Variants in INTS8 observed in about 807,000 individuals in gnomAD.
INTS8 encodes the protein integrator complex subunit 8.
A neutral mutation model predicts 138.9 loss-of-function variants in INTS8; 47 were observed. The observed-to-expected ratio is 0.34, with a 90% CI of 0.27 to 0.43. INTS8 has a LOEUF of 0.43. Among genes scored for constraint, INTS8 ranks in the 20% least tolerant of loss-of-function variants. The pLI, the probability that INTS8 is intolerant of heterozygous loss-of-function variation, is 1.00. For synonymous variants in INTS8, 392 were observed against 400.9 expected (o/e 0.98, Z 0.27); for missense variants, 996 against 1,173.0 (o/e 0.85, Z 2.20).
chr8:94,869,220 AT>A (rs1421304775), intron 20 of INTS8, among the ~76,000 whole-genome samples: 1 of 151,468 alleles, frequency 6.6e-6, no homozygotes, highest in African/African-American at 2.4e-5. Flanking sequence ...ACCTCAGGTG[AT>A]CTGCACACCT....
chr8:94,878,569 TC>T (rs1280120615), intron 26 of INTS8, among the ~76,000 whole-genome samples: 1 of 152,200 alleles, frequency 6.6e-6, no homozygotes, highest in African/African-American at 2.4e-5. Flanking sequence ...TTGAATTCTC[TC>T]CCCCTCAATA....
At chr8:94,857,226 T>C (rs575723838) in intron 15 of INTS8, among the ~76,000 whole-genome samples, 1 of 151,856 alleles carries the variant, frequency 6.6e-6, no homozygotes, top group Non-Finnish European at 1.5e-5. Flanking sequence ...GAACCCACCA[T>C]CATGCCTGGC....
chr8:94,873,543 T>G, intron 22 of INTS8, 66 bp downstream of exon 22: 1 of 968,956 alleles, frequency 1.0e-6, no homozygotes, highest in Admixed American at 1.8e-5. Flanking sequence ...GGGTCCCCTT[T>G]TGGCTGAACT....
intron 7 of INTS8, among the ~76,000 whole-genome samples, chr8:94,837,930 G>A (rs910352835): frequency 6.6e-6 from 1 of 151,806 alleles, no homozygotes; most frequent in African/African-American, 2.4e-5. Context: ...CTCAAGGGAC[G>A]AACAAAAACA....
At chr8:94,849,878 T>C (rs758957100) in intron 11 of INTS8, 38 bp from the exon 12 acceptor site, 14 of 1,471,598 alleles carry the variant, frequency 9.5e-6, no homozygotes, top group South Asian at 8.3e-5. Context: ...AACTAAATTA[T>C]ACACTTTTTT....
chr8:94,851,698 G>A lies in INTS8; in HGVS notation c.1641+12G>A. 1 of 1,563,334 alleles carries A rather than the reference G, an allele frequency of 6.4e-7. No homozygotes were observed. The highest frequency in any genetic ancestry group is 8.6e-7 in the Non-Finnish European group (1 of 1,163,874). ...CAGTGTCTAATAAGGTAAACCCTAT[G>A]TCAAGAACAGATAAGAAAATTGCCC... On this transcript the variant is annotated intron_variant, in intron 13 of 26. Coordinates refer to ENST00000523731, the MANE Select transcript of INTS8 (RefSeq NM_017864.4).
chr8:94,866,614 A>G (rs2131061469), intron 18 of INTS8: 1 of 181,092 alleles, frequency 5.5e-6, no homozygotes, highest in East Asian at 1.7e-4. Flanking sequence ...TGACCTGTTA[A>G]TGTGCTTTTC....
intron 9 of INTS8, 149 bp from the exon 10 acceptor site, chr8:94,842,198 A>G (rs1352891548): frequency 2.1e-5 from 9 of 430,974 alleles, no homozygotes; most frequent in Non-Finnish European, 3.6e-5. Flanking sequence ...TCTCCCCATG[A>G]TTTGGTATAT....
At position 94,828,983 on chromosome 8, in the gene INTS8, A is replaced by C; in HGVS notation, c.527A>C (p.Gln176Pro). The change falls in exon 5 of 27, where the codon CAA becomes CCA. Residue 176 changes from glutamine (Q) to proline (P), a missense_variant. By Grantham distance (76) the Gln-to-Pro change is moderately conservative (BLOSUM62 -1). Coordinates refer to ENST00000523731, the MANE Select transcript of INTS8 (RefSeq NM_017864.4). ...AATTGTTTCTCTTTTAGTATGAATCAAATGCAACAGGAAAAAGAGCTAACA... is the reference window on the plus strand; with the variant it reads ...AATTGTTTCTCTTTTAGTATGAATCCAATGCAACAGGAAAAAGAGCTAACA... ...PGPPQLSVMN[Q>P]MQQEKELTEN... The C allele has an allele frequency of 6.3e-7, 1 of 1,596,680 alleles. No homozygotes were observed.
chr8:94,875,036 G>A (rs1816522930), intron 23 of INTS8, among the ~76,000 whole-genome samples: 1 of 152,096 alleles, frequency 6.6e-6, no homozygotes, highest in South Asian at 2.1e-4. Context: ...CATCAAAATG[G>A]TGTAGACTCA....
intron 8 of INTS8, among the ~76,000 whole-genome samples, chr8:94,840,234 G>C (rs537857647): frequency 2.5e-4 from 38 of 152,354 alleles, no homozygotes; most frequent in African/African-American, 8.9e-4. Flanking sequence ...TTGAGAAGCT[G>C]CTGTGTTGCT....
rs200790230 is a variant in INTS8, at chr8:94,825,397, A to AC, written c.305+331dup. Among the ~76,000 whole-genome samples the AC allele has an allele frequency of 2.6e-3, 395 of 151,568 alleles. 4 individuals are homozygous for AC. The East Asian group carries it at 0.035, about 14-fold the overall frequency. ...CAGTGAGCCGAGATGGCGCTACTGC[A>AC]CTCCAGCCTGGGCGATAGAGTAAGA... On this transcript the variant is annotated intron_variant, in intron 2 of 26. Coordinates refer to ENST00000523731, the MANE Select transcript of INTS8 (RefSeq NM_017864.4).
intron 9 of INTS8, among the ~76,000 whole-genome samples, chr8:94,841,896 C>G (rs544169799): frequency 6.6e-6 from 1 of 151,826 alleles, no homozygotes; most frequent in Non-Finnish European, 1.5e-5. Context: ...GGTGAAACCC[C>G]GTCTCTACCA....
chr8:94,867,036 A>G, intron 18 of INTS8, 104 bp from the exon 19 acceptor site: 1 of 890,192 alleles, frequency 1.1e-6, no homozygotes, highest in Non-Finnish European at 1.7e-6. Context: ...CATTTTCAAA[A>G]GGCAAGGGTC....
chr8:94,866,956 C>T (rs887404978), intron 18 of INTS8, 184 bp from the exon 19 acceptor site: 26 of 551,944 alleles, frequency 4.7e-5, no homozygotes, highest in Admixed American at 3.2e-4. Context: ...CTATGGTCCA[C>T]GCCCCGCCCC....
At chr8:94,879,992 A>G (rs757857903) in intron 26 of INTS8, 126 bp from the exon 27 acceptor site, 21 of 642,954 alleles carry the variant, frequency 3.3e-5, no homozygotes, top group Middle Eastern at 2.6e-4. Context: ...TGGGTTTTAC[A>G]GTTAAGAGGT....
intron 4 of INTS8, 80 bp from the exon 5 acceptor site, chr8:94,828,892 CAAG>C (rs1814608919): frequency 1.2e-6 from 1 of 849,094 alleles, no homozygotes. Flanking sequence ...ACCTGACTTT[CAAG>C]AATGATGCTC....
At chr8:94,824,624 C>CT (rs375081628) in intron 1 of INTS8, among the ~76,000 whole-genome samples, 109 of 151,560 alleles carry the variant, frequency 7.2e-4, no homozygotes, top group African/African-American at 2.5e-3. Context: ...CCGTAAGGTG[C>CT]TTTTTTTTGC....
intron 2 of INTS8, 88 bp downstream of exon 2, chr8:94,825,155 T>A: frequency 1.0e-6 from 1 of 959,400 alleles, no homozygotes; most frequent in Non-Finnish European, 1.6e-6. Flanking sequence ...TATCGGCTCT[T>A]AAAAATTACG....
Sources: allele counts gnomAD v4.1 joint callset (sites outside exome capture counted in the v4.1 genomes callset), GRCh38; gene constraint gnomAD v4.1.1; transcripts MANE v1.5; gene names NCBI Gene and HGNC (gene_info 2026-07-23, HGNC 2026-07-21).